Variants in FTO observed in about 807,000 individuals in gnomAD.
The protein encoded by FTO is FTO alpha-ketoglutarate dependent dioxygenase.
Under a neutral mutation model 63.9 loss-of-function variants are expected in FTO, and 47 were observed. The observed-to-expected ratio is 0.74, with a 90% CI of 0.58 to 0.94. FTO has a LOEUF of 0.94. Among genes scored for constraint, FTO ranks in the 40% least tolerant of loss-of-function variants. The pLI is 0.00. For missense variants in FTO, 562 were observed against 618.1 expected (o/e 0.91, Z 0.96); for synonymous variants, 207 against 224.4 (o/e 0.92, Z 0.69).
At chr16:53,993,010 G>T (rs2083849704) in intron 8 of FTO, 1 of 152,178 alleles carries the variant, frequency 6.6e-6, no homozygotes, top group African/African-American at 2.4e-5. Context: ...CTTAGCCTGG[G>T]AATTTTGACC....
At chr16:53,983,805 G>A (rs1477379820) in intron 8 of FTO, among the ~76,000 whole-genome samples, 1 of 152,160 alleles carries the variant, frequency 6.6e-6, no homozygotes, top group Non-Finnish European at 1.5e-5. Flanking sequence ...GAGAATATGG[G>A]CCCACTGTTG....
chr16:53,787,809 G>A lies in FTO; in HGVS notation c.46-22331G>A, dbSNP rs184007211. 7.2e-5 allele frequency among the ~76,000 whole-genome samples: 11 copies of A among 152,302 alleles called. No homozygotes were observed. The East Asian group carries it at 9.7e-4, about 13-fold the overall frequency. On this transcript the variant is annotated intron_variant, in intron 1 of 8. Transcript: ENST00000471389. ...TATATGAGAAAGAAGGCAAATGAGC[G>A]TAGACTCCATAGTGAATGATGGAGG...
intron 4 of FTO, among the ~76,000 whole-genome samples, chr16:53,853,793 C>T (rs2079890751): frequency 1.3e-5 from 2 of 152,106 alleles, no homozygotes; most frequent in Non-Finnish European, 2.9e-5. Context: ...CATATGCGTG[C>T]AGATATCTTT....
At chr16:54,000,018 A>T (rs1861357) in intron 8 of FTO, 49,195 of 151,956 alleles carry the variant, frequency 0.32, 8,286 homozygotes, top group East Asian at 0.54. Flanking sequence ...AGAGGAAAGG[A>T]TCCAGCATGC....
intron 1 of FTO, among the ~76,000 whole-genome samples, chr16:53,739,478 T>C (rs1397290614): frequency 6.6e-6 from 1 of 151,830 alleles, no homozygotes; most frequent in Non-Finnish European, 1.5e-5. Flanking sequence ...CCTCCCAAAG[T>C]GCTGGGATTA....
At chr16:53,787,268 G>GA (rs971664610) in intron 1 of FTO, among the ~76,000 whole-genome samples, 2 of 151,676 alleles carry the variant, frequency 1.3e-5, no homozygotes, top group African/African-American at 4.9e-5. Context: ...GGGCCAAAGG[G>GA]AAAAAGTCCA....
At chr16:53,997,413 TG>T (rs2083963929) in intron 8 of FTO, among the ~76,000 whole-genome samples, 1 of 151,990 alleles carries the variant, frequency 6.6e-6, no homozygotes, top group South Asian at 2.1e-4. Context: ...CAGGTGTGTT[TG>T]GGGTACTATC....
At chr16:53,718,601 G>A (rs2075952362) in intron 1 of FTO, among the ~76,000 whole-genome samples, 2 of 151,994 alleles carry the variant, frequency 1.3e-5, no homozygotes, top group Admixed American at 1.3e-4. Flanking sequence ...TATACTTCGG[G>A]ATTCTAGTAT....
In FTO at chr16:54,018,409, G is replaced by GATAC. The variant is rs1381107400; in HGVS notation, c.1364+84339_1364+84342dup. On this transcript the variant is annotated intron_variant, in intron 8 of 8. Transcript: ENST00000471389. ...TGATAGATAGATAGATAGATAGATA[G>GATAC]ATACATACATACATACATACATACA... Among the ~76,000 whole-genome samples the GATAC allele has an allele frequency of 1.2e-3, 170 of 142,218 alleles. 1 individual carries two copies. Among genetic ancestry groups the GATAC allele is most frequent in the African/African-American group, 2.9e-3 (108 of 36,666 alleles). 93.3% of individuals were successfully genotyped at this position (142,218 alleles called of 152,430 possible).
intron 8 of FTO, among the ~76,000 whole-genome samples, chr16:54,108,792 A>C (rs1292147336): frequency 6.6e-6 from 1 of 152,230 alleles, no homozygotes; most frequent in Admixed American, 6.5e-5. Context: ...ACTGAGGCTC[A>C]GCGAGGTAAC....
At chr16:53,888,473 G>C (rs1400075692) in intron 6 of FTO, among the ~76,000 whole-genome samples, 2 of 83,128 alleles carry the variant, frequency 2.4e-5, no homozygotes, top group Non-Finnish European at 5.3e-5. Context: ...TTTATTAGTA[G>C]CTTGGCCAAT....
At chr16:54,020,851 A>G (rs13332596) in intron 8 of FTO, among the ~76,000 whole-genome samples, 2,108 of 152,290 alleles carry the variant, frequency 0.014, 38 homozygotes, top group African/African-American at 0.048. Flanking sequence ...ACATGCCTGT[A>G]ATCCCAGCTA....
At chr16:53,995,264 A>G (rs1466950300) in intron 8 of FTO, among the ~76,000 whole-genome samples, 2 of 152,232 alleles carry the variant, frequency 1.3e-5, no homozygotes, top group Admixed American at 6.5e-5. Context: ...TGTGTCCCCA[A>G]CTGCCACCAG....
Position 53,850,313 on chromosome 16 carries a change from G to T in FTO, c.895+6015G>T, listed in dbSNP as rs541220893. Among the ~76,000 whole-genome samples the T allele has an allele frequency of 1.2e-4, 18 of 151,790 alleles. 1 individual carries two copies. The South Asian group carries it at 2.3e-3, about 19-fold the overall frequency. On this transcript the variant is annotated intron_variant, in intron 4 of 8. Transcript: ENST00000471389. Reference sequence around the variant, plus strand: ...CATTCTTGTTATCTTCTCAGGAACTGCACTGTTTGCTTCTTGTGTTCAATT... The same window carrying T: ...CATTCTTGTTATCTTCTCAGGAACTTCACTGTTTGCTTCTTGTGTTCAATT...
rs530904496 is a variant in FTO, at chr16:53,994,739, T to C, written c.1364+60630T>C. 1.8e-3 allele frequency among the ~76,000 whole-genome samples: 267 copies of C among 146,384 alleles called. 7 individuals carry two copies. The South Asian group carries it at 0.057, about 31-fold the overall frequency. ...TTCTGTCAACTCAAGTGTTTCCTCC[T>C]TTTTTTTTTTCTGAGACAAGGTCTC... On this transcript the variant is annotated intron_variant, in intron 8 of 8. Transcript: ENST00000471389.
chr16:53,972,600 G>C (rs2083349655), intron 8 of FTO, among the ~76,000 whole-genome samples: 3 of 152,192 alleles, frequency 2.0e-5, no homozygotes, highest in Admixed American at 1.3e-4. Context: ...GACTGAACCA[G>C]ATTCATTTCA....
At chr16:53,831,544 A>G (rs1459145294) in intron 3 of FTO, among the ~76,000 whole-genome samples, 1 of 152,188 alleles carries the variant, frequency 6.6e-6, no homozygotes. Context: ...AGCATCTACT[A>G]TTTGCTAGTC....
At chr16:53,829,559 G>A (rs2079091922) in intron 3 of FTO, among the ~76,000 whole-genome samples, 1 of 152,250 alleles carries the variant, frequency 6.6e-6, no homozygotes, top group African/African-American at 2.4e-5. Context: ...CTATGGCAAA[G>A]GTGGACTTGA....
At chr16:53,986,047 T>C (rs1216193403) in intron 8 of FTO, among the ~76,000 whole-genome samples, 1 of 152,230 alleles carries the variant, frequency 6.6e-6, no homozygotes, top group Non-Finnish European at 1.5e-5. Context: ...CTGGCTGGTC[T>C]AGTTTAGAGA....
Sources: gnomAD v4.1 joint callset for allele counts (sites outside exome capture counted in the v4.1 genomes callset) on GRCh38, gnomAD v4.1.1 for gene constraint, MANE v1.5 for transcripts, NCBI Gene and HGNC (gene_info 2026-07-23, HGNC 2026-07-21) for gene names.